KIF20A: variants seen among roughly 807,000 people sequenced by gnomAD.
KIF20A encodes kinesin family member 20A.
KIF20A carries 66 observed loss-of-function variants against 113.0 expected under a neutral mutation model. The ratio of observed to expected loss-of-function variants is 0.58; its 90% CI spans 0.48 to 0.72. The LOEUF (loss-of-function observed/expected upper bound fraction) is 0.72. KIF20A is among the 30% of genes least tolerant of loss of function. KIF20A has a pLI of 0.00. For missense variants in KIF20A, 927 were observed against 1,077.6 expected (o/e 0.86, Z 1.96); for synonymous variants, 376 against 402.3 (o/e 0.93, Z 0.78).
rs760635412 is a variant in KIF20A, at chr5:138,187,187, C to T, written c.2447C>T (p.Thr816Ile). The T allele has an allele frequency of 1.2e-6, 2 of 1,614,138 alleles. No homozygotes were observed. Among genetic ancestry groups the T allele is most frequent in the Admixed American group, 1.7e-5 (1 of 60,010 alleles). The change falls in exon 19 of 19, where the codon ACT (threonine) becomes ATT (isoleucine). Residue 816 changes from threonine (T) to isoleucine (I), a missense_variant. Physicochemically the swap from Thr to Ile is moderately conservative, Grantham distance 89. Coordinates refer to ENST00000394894, the MANE Select transcript of KIF20A (RefSeq NM_005733.3). ...KAACIAEQYH[T>I]VLKLQGQVSA... ...GCATGTATTGCTGAGCAGTATCATA[C>T]TGTGTTGAAACTCCAAGGCCAGGTT...
Position 138,183,816 on chromosome 5 carries a change from TGGA to T in KIF20A, c.1208+66_1208+68del, listed in dbSNP as rs1218370275. On this transcript the variant is annotated intron_variant, in intron 10 of 18. Transcript: ENST00000394894. The surrounding 1 kb of genome is among the most constrained non-coding windows in gnomAD (Gnocchi z 5.2). ...GCCATAAATGATAGTTGGGAAAGCA[TGGA>T]GGAGGTCCTCAGGGGAACTATGTGT... The T allele has an allele frequency of 1.9e-6, 3 of 1,574,882 alleles. No individual in the cohort carries two copies. The African/African-American group carries it at 4.1e-5, about 21-fold the overall frequency.
rs1428507340 is a variant in KIF20A, at chr5:138,184,791, T to C, written c.1684-16T>C. 6.2e-7 allele frequency: 1 copy of C among 1,613,884 alleles called. No individual in the cohort carries two copies. Among genetic ancestry groups the C allele is most frequent in the Non-Finnish European group, 8.5e-7 (1 of 1,179,844 alleles). ...CATGAGCATCTGATGACCTCTGACA[T>C]GTGTGTCTCTCCTAGGAGCTCCTAC... On this transcript the variant is annotated splice_polypyrimidine_tract_variant and intron_variant, in intron 13 of 18. Transcript: ENST00000394894.
Position 138,183,272 on chromosome 5 carries a change from G to C in KIF20A, c.936G>C (p.Leu312=). The change falls in exon 8 of 19, where the codon CTG becomes CTC. Residue 312 remains leucine, a synonymous_variant. Transcript: ENST00000394894. The surrounding 1 kb of genome is among the most constrained non-coding windows in gnomAD (Gnocchi z 5.2). ...WISFFEIYNE[L]LYDLLEPPSQ... Reference sequence around the variant, plus strand: ...CATTCTTTGAGATCTACAACGAACTGCTTTATGACCTATTAGAACCGCCTA... The same window carrying C: ...CATTCTTTGAGATCTACAACGAACTCCTTTATGACCTATTAGAACCGCCTA... 6.2e-7 allele frequency: 1 copy of C among 1,614,222 alleles called. No homozygotes were observed. The highest frequency in any genetic ancestry group is 8.5e-7 in the Non-Finnish European group (1 of 1,180,046).
In KIF20A at chr5:138,179,721, C is replaced by G. The variant is rs1754608739; in HGVS notation, c.41C>G (p.Ser14Cys). ...CTTTCTCCGCCAGCGGGCTTGCTGTCCGATGACGATGTCGTAGTTTCTCCC... is the reference window on the plus strand; with the variant it reads ...CTTTCTCCGCCAGCGGGCTTGCTGTGCGATGACGATGTCGTAGTTTCTCCC... ...GILSPPAGLLSDDDVVVSPMF... is the reference protein window; with the variant it reads ...GILSPPAGLLCDDDVVVSPMF... The change falls in exon 2 of 19, where the codon TCC becomes TGC. Residue 14 changes from serine (S) to cysteine (C), a missense_variant. Transcript: ENST00000394894. The G allele has an allele frequency of 2.5e-6, 4 of 1,614,138 alleles. No individual in the cohort carries two copies. Among genetic ancestry groups the G allele is most frequent in the African/African-American group, 1.3e-5 (1 of 75,020 alleles).
In KIF20A at chr5:138,187,107, G is replaced by C; in HGVS notation, c.2367G>C (p.Leu789=). Residue 789 remains leucine (L), a synonymous_variant, in exon 19 of 19, where the codon CTG becomes CTC. Transcript: ENST00000394894. ...DDILIKQDQT[L]AELQNNMVLV... ...TTGATCTTCCTTAGGACCAGACTCT[G>C]GCTGAACTGCAGAACAACATGGTGC... 6.2e-7 allele frequency: 1 copy of C among 1,609,248 alleles called. No homozygotes were observed.
In KIF20A at chr5:138,182,848, T is replaced by A; in HGVS notation, c.703-13T>A. On this transcript the variant is annotated splice_polypyrimidine_tract_variant and intron_variant, in intron 6 of 18. Transcript: ENST00000394894. ...GGAAGTTTTGTGCTTACCTTCTCCC[T>A]GTGCCCCTCCAGGAGGAGCTGTCCA... The A allele has an allele frequency of 6.2e-7, 1 of 1,614,070 alleles. No individual in the cohort carries two copies.
In KIF20A at chr5:138,182,713, C is replaced by T; in HGVS notation, c.642C>T (p.Ser214=). Residue 214 remains serine, a synonymous_variant, in exon 6 of 19, where the codon AGC becomes AGT. Transcript: ENST00000394894. The part of the protein sequence containing the change: ...LLSNEVIWLD[S]KQIRQEEMKK... ...CCAATGAGGTAATCTGGCTAGACAG[C>T]AAGCAGATCCGACAGGAGGAAATGA... The T allele has an allele frequency of 6.2e-7, 1 of 1,614,050 alleles. No homozygotes were observed. The highest frequency in any genetic ancestry group is 8.5e-7 in the Non-Finnish European group (1 of 1,180,028).
rs1448505189 is a variant in KIF20A at position 138,184,302 on chromosome 5, C to G, written c.1416C>G (p.Phe472Leu). The stretch of plus-strand genomic sequence containing the variant: ...TGACTCGAGTGTTCCAAGGTTTCTT[C>G]ACAGGCCGAGGCCGTTCCTGCATGA... ...SKLTRVFQGF[F>L]TGRGRSCMIV... Residue 472 changes from phenylalanine to leucine, a missense_variant, in exon 12 of 19, where the codon TTC (phenylalanine) becomes TTG (leucine). Phe to Leu is a conservative substitution (Grantham distance 22). Coordinates refer to ENST00000394894, the MANE Select transcript of KIF20A (RefSeq NM_005733.3). 1 of 1,614,078 alleles carries G rather than the reference C, an allele frequency of 6.2e-7. No individual in the cohort carries two copies. Among genetic ancestry groups the G allele is most frequent in the Non-Finnish European group, 8.5e-7 (1 of 1,180,046 alleles).
At chr5:138,184,471 A>T in intron 12 of KIF20A, 41 bp from the exon 13 acceptor site, 1 of 1,611,190 alleles carries the variant, frequency 6.2e-7, no homozygotes. Context: ...GCTCCTAGGG[A>T]CTACTTATGG....
At chr5:138,185,256 G>C in intron 15 of KIF20A, 59 bp downstream of exon 15, 1 of 1,161,640 alleles carries the variant, frequency 8.6e-7, no homozygotes, top group South Asian at 1.3e-5. Flanking sequence ...TAGCTTGCCT[G>C]AAGTAAAGAG....
chr5:138,185,756 A>G (rs1228689564), intron 16 of KIF20A, 46 bp downstream of exon 16: 1 of 1,589,106 alleles, frequency 6.3e-7, no homozygotes, highest in East Asian at 2.2e-5. Flanking sequence ...TTCAGGGAAG[A>G]GCTGTTACTT....
chr5:138,181,584 A>G, intron 3 of KIF20A, 25 bp from the exon 4 acceptor site: 1 of 1,614,206 alleles, frequency 6.2e-7, no homozygotes, highest in Non-Finnish European at 8.5e-7. Flanking sequence ...GCCTTCTGTG[A>G]CAACTGTATT....
Position 138,185,637 on chromosome 5 carries a change from C to T in KIF20A, c.2052C>T (p.Ala684=), listed in dbSNP as rs144189626. 1,237 of 1,614,180 alleles carry T rather than the reference C, an allele frequency of 7.7e-4. 13 individuals carry two copies. The highest frequency in any genetic ancestry group is 6.8e-4 in the Admixed American group (41 of 60,024). Residue 684 remains alanine, a synonymous_variant, in exon 16 of 19, where the codon GCC becomes GCT. Coordinates refer to ENST00000394894, the MANE Select transcript of KIF20A (RefSeq NM_005733.3). ...LRRSQRLAAS[A]STQQLQEVKA... ...GGTCACAAAGGTTGGCAGCTTCTGC[C>T]TCCACCCAGCAGCTTCAGGAGGTTA...
At position 138,183,567 on chromosome 5, in the gene KIF20A, G is replaced by C. The variant is rs771781209; in HGVS notation, c.1125G>C (p.Gln375His). Residue 375 changes from glutamine (Q) to histidine (H), a missense_variant, in exon 9 of 19, where the codon CAG (glutamine) becomes CAC (histidine). Physicochemically the swap from Gln to His is conservative, Grantham distance 24. Transcript: ENST00000394894. This position sits in a 1 kb window ranked among gnomAD's most constrained non-coding sequence, Gnocchi z 5.2. ...GCTTTGCCAGCACCCACCTCAACCA[G>C]AACTCCAGCCGCAGGTGAGTAGATT... ...NQSFASTHLN[Q>H]NSSRSHSIFS... 6.2e-7 allele frequency: 1 copy of C among 1,614,026 alleles called. No homozygotes were observed. The highest frequency in any genetic ancestry group is 8.5e-7 in the Non-Finnish European group (1 of 1,180,002).
rs771573133 is a variant in KIF20A at position 138,186,460 on chromosome 5, T to C, written c.2355+29T>C. 3 of 1,601,044 alleles carry C rather than the reference T, an allele frequency of 1.9e-6. No homozygotes were observed. In the South Asian group the frequency reaches 3.4e-5, roughly 18 times the overall value. The stretch of plus-strand genomic sequence containing the variant: ...AGGGCAAACTATATACCCACTTCTG[T>C]CCTACCAGCCCACTCCAGTGTATAT... On this transcript the variant is annotated intron_variant, in intron 18 of 18. Coordinates refer to ENST00000394894, the MANE Select transcript of KIF20A (RefSeq NM_005733.3).
At position 138,182,024 on chromosome 5, in the gene KIF20A, T is replaced by C. The variant is rs17171775; in HGVS notation, c.375+296T>C. The C allele has an allele frequency of 2.7e-3, 1,520 of 566,664 alleles. 10 individuals are homozygous for C. Among genetic ancestry groups the C allele is most frequent in the African/African-American group, 0.024 (1,267 of 53,498 alleles). The allele number at this position is 566,664 out of a possible 1,614,324, so 35.1% of individuals were successfully genotyped here. On this transcript the variant is annotated intron_variant, in intron 4 of 18. Transcript: ENST00000394894. ...GTCACTAGTAGAGTTAGGACCTGAGTCTAGATCCATGTATCTCCAAAGCCC... is the reference window on the plus strand; with the variant it reads ...GTCACTAGTAGAGTTAGGACCTGAGCCTAGATCCATGTATCTCCAAAGCCC...
At chr5:138,181,001 C>T (rs1017981708) in intron 2 of KIF20A, among the ~76,000 whole-genome samples, 3 of 152,188 alleles carry the variant, frequency 2.0e-5, no homozygotes, top group Admixed American at 6.5e-5. Flanking sequence ...GAATGAATGA[C>T]ATAGGTGCTA....
chr5:138,182,780 C>A lies in KIF20A; in HGVS notation c.702+7C>A. On this transcript the variant is annotated splice_region_variant and intron_variant, in intron 6 of 18. Transcript: ENST00000394894. Reference sequence around the variant, plus strand: ...AAATGGAGGCCTCCAAGAGGTAAAGCATTGGTATCCATGGCAGTGGGGGTA... The same window carrying A: ...AAATGGAGGCCTCCAAGAGGTAAAGAATTGGTATCCATGGCAGTGGGGGTA... 6.2e-7 allele frequency: 1 copy of A among 1,613,514 alleles called. No individual in the cohort carries two copies. Among genetic ancestry groups the A allele is most frequent in the Non-Finnish European group, 8.5e-7 (1 of 1,179,944 alleles).
In KIF20A at chr5:138,183,718, C is replaced by A. The variant is rs760860017; in HGVS notation, c.1170C>A (p.His390Gln). 2 of 1,613,914 alleles carry A rather than the reference C, an allele frequency of 1.2e-6. No individual in the cohort carries two copies. The highest frequency in any genetic ancestry group is 1.1e-5 in the South Asian group (1 of 91,076). Residue 390 changes from histidine (H) to glutamine (Q), a missense_variant, in exon 10 of 19, where the codon CAC becomes CAA. Physicochemically the swap from His to Gln is conservative, Grantham distance 24. Coordinates refer to ENST00000394894, the MANE Select transcript of KIF20A (RefSeq NM_005733.3). This position sits in a 1 kb window ranked among gnomAD's most constrained non-coding sequence, Gnocchi z 5.2. ...GCATCTTCTCAATCAGGATCCTACA[C>A]CTTCAGGGGGAAGGAGATATAGTCC... ...SHSIFSIRIL[H>Q]LQGEGDIVPK... is the part of the protein sequence containing the mutation.
Sources: allele counts gnomAD v4.1 joint callset (sites outside exome capture counted in the v4.1 genomes callset), GRCh38; gene constraint gnomAD v4.1.1; non-coding constraint Gnocchi (gnomAD v3.1); transcripts MANE v1.5; gene names NCBI Gene and HGNC (gene_info 2026-07-23, HGNC 2026-07-21).